Variants in SEPTIN6 observed in about 807,000 individuals in gnomAD.
The protein encoded by SEPTIN6 is septin 6.
A neutral mutation model predicts 33.6 loss-of-function variants in SEPTIN6; 8 were observed. The observed-to-expected ratio is 0.24, with a 90% CI of 0.14 to 0.43. The LOEUF (loss-of-function observed/expected upper bound fraction) is 0.43, where lower values mean the gene tolerates loss of function less well. Among genes scored for constraint, SEPTIN6 ranks in the 20% least tolerant of loss-of-function variants. The pLI is 1.00. For missense variants in SEPTIN6, 250 were observed against 340.8 expected, an observed-to-expected ratio of 0.73 and a Z score of 2.10; for synonymous variants, 131 against 140.0, an observed-to-expected ratio of 0.94 and a Z score of 0.45.
At chrX:119,633,802 A>G (rs1418439941) in intron 7 of SEPTIN6, among the ~76,000 whole-genome samples, 1 of 112,459 alleles carries the variant, frequency 8.9e-6, no homozygotes, top group Non-Finnish European at 1.9e-5. Flanking sequence ...CCCCACGGCT[A>G]GTTAGAGGGA....
intron 5 of SEPTIN6, among the ~76,000 whole-genome samples, chrX:119,644,716 G>A (rs55885874): frequency 0.034 from 3,683 of 108,618 alleles, 50 homozygotes; most frequent in South Asian, 0.064. Context: ...GCGTGGTGGC[G>A]GGCGCCTGTA....
At position 119,617,111 on chromosome X, in the gene SEPTIN6, T is replaced by TGTGC. The variant is rs1346107672; in HGVS notation, c.*2981_*2982insGCAC. The TGTGC allele has an allele frequency of 3.4e-6, 2 of 595,034 alleles. No homozygotes were observed. The highest frequency in any genetic ancestry group is 1.7e-4 in the Admixed American group (2 of 11,483). 49.0% of individuals were successfully genotyped at this position (595,034 alleles called of 1,213,427 possible). A position where few individuals can be genotyped will look rare whatever the true frequency, so the allele number is the denominator to read the frequency against. On this transcript the variant is annotated 3_prime_UTR_variant, in exon 11 of 11. Coordinates refer to ENST00000394610, the MANE Select transcript of SEPTIN6 (RefSeq NM_145799.4). ...AGGGATGTGTGTACGTGTGTGTGTG[T>TGTGC]GTGTGTGTGTGTGTGTGTGTGTGTG...
At chrX:119,637,279 G>A in intron 6 of SEPTIN6, 84 bp from the exon 7 acceptor site, 1 of 877,940 alleles carries the variant, frequency 1.1e-6, no homozygotes, top group South Asian at 2.3e-5. Context: ...GAGGCAAAAT[G>A]TCTAACAGTG....
intron 1 of SEPTIN6, among the ~76,000 whole-genome samples, chrX:119,682,018 C>T (rs749766834): frequency 3.7e-5 from 4 of 109,177 alleles, no homozygotes; most frequent in Non-Finnish European, 7.6e-5. Flanking sequence ...GCCTGGGCAA[C>T]AGTGAGACCC....
chrX:119,669,589 C>T (rs1450813098), intron 2 of SEPTIN6, among the ~76,000 whole-genome samples: 1 of 112,014 alleles, frequency 8.9e-6, no homozygotes, highest in Admixed American at 9.6e-5. Context: ...TGCATCTCTT[C>T]CCAAGCCCAC....
intron 5 of SEPTIN6, among the ~76,000 whole-genome samples, chrX:119,647,483 C>CTCTTTTTTTTTTTTT (rs376139472): frequency 1.3e-5 from 1 of 74,409 alleles, no homozygotes; most frequent in Non-Finnish European, 2.4e-5. Flanking sequence ...TTCTCTCTCT[C>CTCTTTTTTTTTTTTT]TTTTTTTTTT....
rs1200233922 is a variant in SEPTIN6, at chrX:119,619,248, G to A, written c.*845C>T. The stretch of plus-strand genomic sequence containing the variant: ...TATTGGGACAGTATGGAGCCCTTCC[G>A]GAAATTACCCCCCGAGATGCTGAAA... On this transcript the variant is annotated 3_prime_UTR_variant, in exon 11 of 11. Coordinates refer to ENST00000394610, the MANE Select transcript of SEPTIN6 (RefSeq NM_145799.4). The A allele has an allele frequency of 4.9e-6, 4 of 814,404 alleles. No homozygotes were observed. The highest frequency in any genetic ancestry group is 4.4e-5 in the African/African-American group (2 of 45,758). 67.1% of individuals were successfully genotyped at this position (814,404 alleles called of 1,213,427 possible). A position where few individuals can be genotyped will look rare whatever the true frequency, so the allele number is the denominator to read the frequency against.
At chrX:119,645,450 T>A (rs2054238386) in intron 5 of SEPTIN6, among the ~76,000 whole-genome samples, 1 of 107,683 alleles carries the variant, frequency 9.3e-6, no homozygotes, top group Admixed American at 1.0e-4. Flanking sequence ...CAGGCTGGAG[T>A]GCAATGGCGT....
chrX:119,651,644 C>T (rs1356973830), intron 4 of SEPTIN6, among the ~76,000 whole-genome samples: 1 of 111,707 alleles, frequency 9.0e-6, no homozygotes, highest in African/African-American at 3.3e-5. Context: ...GCACTCCAGT[C>T]TGGGCAACAA....
chrX:119,644,971 G>C (rs920057031), intron 5 of SEPTIN6, among the ~76,000 whole-genome samples: 4 of 104,851 alleles, frequency 3.8e-5, no homozygotes, highest in Admixed American at 2.0e-4. Flanking sequence ...GCAATGGCAC[G>C]ATCTCGGCTC....
intron 2 of SEPTIN6, among the ~76,000 whole-genome samples, chrX:119,674,758 G>A (rs887763945): frequency 2.7e-5 from 3 of 112,134 alleles, no homozygotes; most frequent in African/African-American, 9.7e-5. Flanking sequence ...TCCTGGTAAT[G>A]TCCAAAAGAG....
intron 10 of SEPTIN6, among the ~76,000 whole-genome samples, chrX:119,620,401 C>A (rs1232325922): frequency 9.5e-6 from 1 of 104,724 alleles, no homozygotes; most frequent in Non-Finnish European, 2.0e-5. Flanking sequence ...TCGCTGCAAG[C>A]TCTGCCTCCC....
At chrX:119,645,697 AT>A (rs755629263) in intron 5 of SEPTIN6, among the ~76,000 whole-genome samples, 3 of 110,215 alleles carry the variant, frequency 2.7e-5, no homozygotes, top group South Asian at 3.9e-4. Context: ...GCGCCTGGTA[AT>A]TTTTTGTATT....
chrX:119,660,404 G>T, intron 3 of SEPTIN6, among the ~76,000 whole-genome samples: 1 of 112,338 alleles, frequency 8.9e-6, no homozygotes. Flanking sequence ...TTTCAAGGAG[G>T]CTTTTCATTT....
chrX:119,616,600 G>T, downstream of SEPTIN6: 1 of 716,977 alleles, frequency 1.4e-6, no homozygotes, highest in Non-Finnish European at 2.2e-6. Flanking sequence ...GAGTGGTGTG[G>T]TGTATGTGTG....
chrX:119,690,356 C>T (rs1010666155), intron 1 of SEPTIN6, among the ~76,000 whole-genome samples: 4 of 104,164 alleles, frequency 3.8e-5, no homozygotes, highest in Non-Finnish European at 4.0e-5. Context: ...CATACACACA[C>T]ACACACACAC....
chrX:119,661,438 A>G (rs773463743), intron 3 of SEPTIN6, among the ~76,000 whole-genome samples: 3 of 111,499 alleles, frequency 2.7e-5, no homozygotes, highest in African/African-American at 9.8e-5. Flanking sequence ...CTCAAAAAAA[A>G]TAAAATAAAA....
chrX:119,644,500 G>A (rs139160100), intron 5 of SEPTIN6, among the ~76,000 whole-genome samples: 36 of 111,497 alleles, frequency 3.2e-4, no homozygotes, highest in East Asian at 1.1e-3. Context: ...CCTTCTTGCC[G>A]CATCCTCACA....
rs1195295181 is a variant in SEPTIN6 at position 119,616,970 on chromosome X, A to G, written c.*3123T>C. The G allele has an allele frequency of 9.7e-7, 1 of 1,035,692 alleles. No individual in the cohort carries two copies. Among genetic ancestry groups the G allele is most frequent in the African/African-American group, 1.9e-5 (1 of 52,004 alleles). The allele number at this position is 1,035,692 out of a possible 1,213,427, so 85.4% of individuals were successfully genotyped here. A position where few individuals can be genotyped will look rare whatever the true frequency, so the allele number is the denominator to read the frequency against. On this transcript the variant is annotated 3_prime_UTR_variant, in exon 11 of 11. Coordinates refer to ENST00000394610, the MANE Select transcript of SEPTIN6 (RefSeq NM_145799.4). ...TTTAAAGCTTCTTGTTTTAATTAAA[A>G]ACAAGCACATATTAACAGCCACATG...
Sources: allele counts gnomAD v4.1 joint callset (sites outside exome capture counted in the v4.1 genomes callset), GRCh38; gene constraint gnomAD v4.1.1; transcripts MANE v1.5; gene names NCBI Gene and HGNC (gene_info 2026-07-23, HGNC 2026-07-21).